APBA1: variants seen among roughly 807,000 people sequenced by gnomAD.
APBA1 encodes amyloid-beta A4 precursor protein-binding family A member 1.
A neutral mutation model predicts 86.6 loss-of-function variants in APBA1; 55 were observed. The ratio of observed to expected loss-of-function variants is 0.64; its 90% CI spans 0.51 to 0.80. The LOEUF (loss-of-function observed/expected upper bound fraction) is 0.80, where lower values mean the gene tolerates loss of function less well. APBA1 is among the 30% of genes least tolerant of loss of function. APBA1 has a pLI of 0.00. For synonymous variants in APBA1, 511 were observed against 493.9 expected (o/e 1.03, Z -0.46); for missense variants, 1,090 against 1,183.0 (o/e 0.92, Z 1.15).
intron 2 of APBA1, among the ~76,000 whole-genome samples, chr9:69,512,008 G>A (rs1836054420): frequency 6.6e-6 from 1 of 151,416 alleles, no homozygotes; most frequent in Admixed American, 6.6e-5. Context: ...CACCAGCATG[G>A]CACACGTATA....
At chr9:69,574,458 A>C (rs1231910286) in intron 1 of APBA1, among the ~76,000 whole-genome samples, 1 of 152,096 alleles carries the variant, frequency 6.6e-6, no homozygotes, top group African/African-American at 2.4e-5. Context: ...TGGATTAATA[A>C]ATTCACATTA....
At chr9:69,671,983 T>C (rs1168468013) in intron 1 of APBA1, among the ~76,000 whole-genome samples, 170 bp downstream of exon 1, 1 of 152,138 alleles carries the variant, frequency 6.6e-6, no homozygotes, top group African/African-American at 2.4e-5. Flanking sequence ...TAGCTGATGG[T>C]TCCAGGCACT....
intron 1 of APBA1, among the ~76,000 whole-genome samples, chr9:69,574,057 G>C (rs961643873): frequency 6.6e-6 from 1 of 152,172 alleles, no homozygotes; most frequent in Non-Finnish European, 1.5e-5. Context: ...GTTTGTATAT[G>C]TGTGTGTACT....
At chr9:69,651,192 T>A (rs1189463575) in intron 1 of APBA1, among the ~76,000 whole-genome samples, 1 of 152,176 alleles carries the variant, frequency 6.6e-6, no homozygotes, top group African/African-American at 2.4e-5. Flanking sequence ...TCTCTTTATA[T>A]GAAGTTTAAG....
Position 69,429,825 on chromosome 9 carries a change from A to G in APBA1, c.*1502T>C, listed in dbSNP as rs1834557106. The G allele has an allele frequency of 6.6e-6, 1 of 151,954 alleles. No individual in the cohort carries two copies. Among genetic ancestry groups the G allele is most frequent in the Non-Finnish European group, 1.5e-5 (1 of 68,006 alleles). 9.4% of individuals were successfully genotyped at this position (151,954 alleles called of 1,614,324 possible). A position where few individuals can be genotyped will look rare whatever the true frequency, so the allele number is the denominator to read the frequency against. On this transcript the variant is annotated 3_prime_UTR_variant, in exon 13 of 13. Transcript: ENST00000265381. ...ACAGGGACTATATTAATTACAAAAT[A>G]TAATAGTTTCTCTTCCCCTGTCTCT...
intron 1 of APBA1, among the ~76,000 whole-genome samples, chr9:69,644,758 G>A (rs1823358014): frequency 6.6e-6 from 1 of 152,172 alleles, no homozygotes; most frequent in African/African-American, 2.4e-5. Flanking sequence ...GGTCCTAATG[G>A]TGACACCCCT....
rs1186690176 is a variant in APBA1, at chr9:69,430,209, G to A, written c.*1118C>T. The stretch of plus-strand genomic sequence containing the variant: ...TGGCCCTGAGCAGAGAAGAAAGTTG[G>A]TCTTGCCTTGGGCCAGAAAACAAGA... On this transcript the variant is annotated 3_prime_UTR_variant, in exon 13 of 13. Coordinates refer to ENST00000265381, the MANE Select transcript of APBA1 (RefSeq NM_001163.4). 6.6e-6 allele frequency: 1 copy of A among 152,278 alleles called. No homozygotes were observed. The highest frequency in any genetic ancestry group is 2.4e-5 in the African/African-American group (1 of 41,466). 9.4% of individuals were successfully genotyped at this position (152,278 alleles called of 1,614,324 possible).
At chr9:69,455,195 T>A (rs1309693099) in intron 8 of APBA1, among the ~76,000 whole-genome samples, 1 of 152,134 alleles carries the variant, frequency 6.6e-6, no homozygotes, top group Non-Finnish European at 1.5e-5. Context: ...TCAGACGCCA[T>A]CTTCTCTTCC....
rs72719032 is a variant in APBA1 at position 69,600,254 on chromosome 9, C to T, written c.-70+71899G>A. Among the ~76,000 whole-genome samples, 633 of 152,244 alleles carry T rather than the reference C, an allele frequency of 4.2e-3. 3 individuals are homozygous for T. The highest frequency in any genetic ancestry group is 7.4e-3 in the Non-Finnish European group (501 of 68,010). On this transcript the variant is annotated intron_variant, in intron 1 of 12. Transcript: ENST00000265381. Reference sequence around the variant, plus strand: ...CAATTTCCGCTGACTATGGTGATGGCGATTCTGCAGAAACAGCACCATGGT... The same window carrying T: ...CAATTTCCGCTGACTATGGTGATGGTGATTCTGCAGAAACAGCACCATGGT...
intron 2 of APBA1, among the ~76,000 whole-genome samples, chr9:69,498,935 A>G (rs1185741843): frequency 6.6e-6 from 1 of 152,096 alleles, no homozygotes; most frequent in African/African-American, 2.4e-5. Flanking sequence ...TATACCTCTG[A>G]TACCATTTGC....
chr9:69,587,838 A>C (rs146231707), intron 1 of APBA1, among the ~76,000 whole-genome samples: 2 of 152,200 alleles, frequency 1.3e-5, no homozygotes, highest in African/African-American at 4.8e-5. Flanking sequence ...CAGTTTGACA[A>C]ACATAGTGAA....
At chr9:69,483,923 T>G (rs996615891) in intron 2 of APBA1, among the ~76,000 whole-genome samples, 8 of 152,142 alleles carry the variant, frequency 5.3e-5, no homozygotes, top group African/African-American at 1.9e-4. Flanking sequence ...GGTGGGTACT[T>G]GCTGATTTAG....
At chr9:69,457,187 AC>A in intron 6 of APBA1, 48 bp from the exon 7 acceptor site, 1 of 1,432,842 alleles carries the variant, frequency 7.0e-7, no homozygotes, top group Non-Finnish European at 9.9e-7. Context: ...CACTACCCTG[AC>A]CCAGATGCAG....
intron 1 of APBA1, among the ~76,000 whole-genome samples, chr9:69,665,773 C>G (rs779866661): frequency 5.9e-5 from 9 of 152,172 alleles, no homozygotes; most frequent in Non-Finnish European, 1.0e-4. Flanking sequence ...ACTACCCAGA[C>G]AGAATCACGC....
chr9:69,617,494 C>T (rs771436266), intron 1 of APBA1, among the ~76,000 whole-genome samples: 1 of 151,972 alleles, frequency 6.6e-6, no homozygotes, highest in Non-Finnish European at 1.5e-5. Context: ...TTGACCATTA[C>T]CAACACCAAC....
In APBA1 at chr9:69,488,517, T is replaced by G. The variant is rs771705929; in HGVS notation, c.1201-12374A>C. The stretch of plus-strand genomic sequence containing the variant: ...TAACTGAATCACTTCTTACCCATAC[T>G]TTGAGAATGGTGGTCATCATTTCAA... On this transcript the variant is annotated intron_variant, in intron 2 of 12. Coordinates refer to ENST00000265381, the MANE Select transcript of APBA1 (RefSeq NM_001163.4). Among the ~76,000 whole-genome samples the G allele has an allele frequency of 7.2e-5, 11 of 152,156 alleles. 1 individual carries two copies. Among genetic ancestry groups the G allele is most frequent in the Non-Finnish European group, 1.5e-4 (10 of 68,034 alleles).
chr9:69,435,194 T>C (rs892265891), intron 11 of APBA1, among the ~76,000 whole-genome samples: 13 of 152,086 alleles, frequency 8.5e-5, no homozygotes, highest in African/African-American at 2.7e-4. Context: ...TAGTCTATCA[T>C]TGTTGGACAT....
chr9:69,451,802 T>C (rs1329167322), intron 9 of APBA1, among the ~76,000 whole-genome samples: 3 of 152,188 alleles, frequency 2.0e-5, no homozygotes, highest in Non-Finnish European at 2.9e-5. Flanking sequence ...TTTAACTTTT[T>C]CAGTGCCCTT....
intron 1 of APBA1, among the ~76,000 whole-genome samples, chr9:69,562,210 A>C (rs1240541789): frequency 6.6e-6 from 1 of 152,162 alleles, no homozygotes; most frequent in Non-Finnish European, 1.5e-5. Flanking sequence ...AACATGTATG[A>C]CTATTATGTG....
Sources: allele counts gnomAD v4.1 joint callset (sites outside exome capture counted in the v4.1 genomes callset), GRCh38; gene constraint gnomAD v4.1.1; transcripts MANE v1.5; gene names NCBI Gene and HGNC (gene_info 2026-07-23, HGNC 2026-07-21).